Variants in ANKRD17 observed in about 807,000 individuals in gnomAD.
ANKRD17 encodes the protein ankyrin repeat domain 17, also known as ankyrin repeat domain-containing protein 17.
A neutral mutation model predicts 229.7 loss-of-function variants in ANKRD17; 19 were observed. The observed-to-expected ratio is 0.08, with a 90% CI of 0.06 to 0.12. The LOEUF (loss-of-function observed/expected upper bound fraction) is 0.12, where lower values mean the gene tolerates loss of function less well. ANKRD17 is among the 10% of genes least tolerant of loss of function. The pLI is 1.00. For synonymous variants in ANKRD17, 1,112 were observed against 1,146.1 expected (o/e 0.97, Z 0.60); for missense variants, 2,176 against 3,176.8 (o/e 0.68, Z 7.57).
Position 73,118,830 on chromosome 4 carries a change from C to G in ANKRD17, c.4046G>C (p.Arg1349Pro). 1 of 1,606,340 alleles carries G rather than the reference C, an allele frequency of 6.2e-7. No homozygotes were observed. Among genetic ancestry groups the G allele is most frequent in the Non-Finnish European group, 8.5e-7 (1 of 1,176,120 alleles). The change falls in exon 22 of 34, where the codon CGT (arginine) becomes CCT (proline). Residue 1349 changes from arginine to proline, a missense_variant. Physicochemically the swap from Arg to Pro is moderately radical, Grantham distance 103. Transcript: ENST00000358602. Reference protein sequence around the residue: ...LIGRGAHIDVRNKKGNTPLWL... With the variant: ...LIGRGAHIDVPNKKGNTPLWL... ...CAATGGAGTGTTCCCCTTCTTGTTA[C>G]GTACATCAATATGAGCTCCCCTAAA...
At chr4:73,171,216 A>AGAGAGAGAGG (rs1156636091) in intron 2 of ANKRD17, among the ~76,000 whole-genome samples, 1 of 150,512 alleles carries the variant, frequency 6.6e-6, no homozygotes, top group Non-Finnish European at 1.5e-5. Context: ...AGAGAGAGAG[A>AGAGAGAGAGG]GAGAGACTGA....
intron 24 of ANKRD17, among the ~76,000 whole-genome samples, chr4:73,105,806 T>G (rs572327999): frequency 6.6e-6 from 1 of 152,264 alleles, no homozygotes. Context: ...AAAAGTTCCA[T>G]TAGGATAGAG....
At chr4:73,239,438 G>T in intron 1 of ANKRD17, among the ~76,000 whole-genome samples, 1 of 152,246 alleles carries the variant, frequency 6.6e-6, no homozygotes, top group South Asian at 2.1e-4. Flanking sequence ...CCTGACAAGG[G>T]AATACTCACA....
intron 1 of ANKRD17, among the ~76,000 whole-genome samples, chr4:73,208,601 TAG>T (rs1560726334): frequency 1.3e-5 from 2 of 152,066 alleles, no homozygotes; most frequent in African/African-American, 2.4e-5. Context: ...CAGGAGAGAA[TAG>T]AGTGACTAAC....
chr4:73,179,360 T>TA (rs919014499), intron 1 of ANKRD17, among the ~76,000 whole-genome samples: 3 of 149,390 alleles, frequency 2.0e-5, no homozygotes, highest in African/African-American at 7.3e-5. Flanking sequence ...GGCAAGGAGA[T>TA]AAAAAATACA....
rs1469578725 is a variant in ANKRD17 at position 73,091,756 on chromosome 4, G to C, written c.5872C>G (p.Gln1958Glu). The C allele has an allele frequency of 6.2e-7, 1 of 1,614,052 alleles. No homozygotes were observed. The highest frequency in any genetic ancestry group is 1.3e-5 in the African/African-American group (1 of 74,912). The change falls in exon 29 of 34, where the codon CAG becomes GAG. Residue 1958 changes from glutamine (Q) to glutamate (E), a missense_variant. Physicochemically the swap from Gln to Glu is conservative, Grantham distance 29. Transcript: ENST00000358602. ...GTTAAAGAACCTGCTGAATTCACCTGAGAACCACTGCTATTCTGATTGCTA... is the reference window on the plus strand; with the variant it reads ...GTTAAAGAACCTGCTGAATTCACCTCAGAACCACTGCTATTCTGATTGCTA... ...RHSNQNSSGS[Q>E]VNSAGSLTSS...
At chr4:73,167,047 T>C (rs1175939001) in intron 2 of ANKRD17, among the ~76,000 whole-genome samples, 2 of 152,190 alleles carry the variant, frequency 1.3e-5, no homozygotes, top group Non-Finnish European at 2.9e-5. Flanking sequence ...AATTTACAGA[T>C]ACATACTAAA....
At position 73,102,525 on chromosome 4, in the gene ANKRD17, A is replaced by T; in HGVS notation, c.4424T>A (p.Leu1475Gln). Reference protein sequence around the residue: ...LEKLREESRRLALAAKREKRK... With the variant: ...LEKLREESRRQALAAKREKRK... ...TTTTTCTCTTTTCGCAGCCAAAGCCAGCCTCCGACTTTCTTCCCTTAACTG... is the reference window on the plus strand; with the variant it reads ...TTTTTCTCTTTTCGCAGCCAAAGCCTGCCTCCGACTTTCTTCCCTTAACTG... Residue 1475 changes from leucine (L) to glutamine (Q), a missense_variant, in exon 25 of 34, where the codon CTG becomes CAG. Physicochemically the swap from Leu to Gln is moderately radical, Grantham distance 113. Around this residue, in one of 18 missense-constraint regions of ANKRD17, gnomAD observed 14 missense variants for 36.1 expected, o/e 0.39. Transcript: ENST00000358602. The T allele has an allele frequency of 6.3e-7, 1 of 1,599,810 alleles. No homozygotes were observed. Among genetic ancestry groups the T allele is most frequent in the Non-Finnish European group, 8.5e-7 (1 of 1,177,274 alleles).
At position 73,210,567 on chromosome 4, in the gene ANKRD17, G is replaced by A. The variant is rs112856512; in HGVS notation, c.394-33034C>T. On this transcript the variant is annotated intron_variant, in intron 1 of 33. Coordinates refer to ENST00000358602, the MANE Select transcript of ANKRD17 (RefSeq NM_032217.5). The stretch of plus-strand genomic sequence containing the variant: ...CAAGTTTGGAACCTTTGCCCTAGAT[G>A]TTCTAAATTTTATTGTTGAAACAAA... 1.9e-3 allele frequency among the ~76,000 whole-genome samples: 287 copies of A among 152,214 alleles called. 1 individual carries two copies. Among genetic ancestry groups the A allele is most frequent in the African/African-American group, 6.6e-3 (275 of 41,566 alleles).
intron 24 of ANKRD17, among the ~76,000 whole-genome samples, chr4:73,110,489 C>T (rs1489313623): frequency 6.6e-6 from 1 of 152,038 alleles, no homozygotes; most frequent in Non-Finnish European, 1.5e-5. Context: ...TTTTTATAAA[C>T]CAAATTTTCC....
intron 25 of ANKRD17, chr4:73,100,708 G>A (rs1020595595): frequency 5.4e-6 from 2 of 367,718 alleles, no homozygotes; most frequent in Non-Finnish European, 7.5e-6. Flanking sequence ...CACAACCCAT[G>A]TGTGCCAAAA....
intron 1 of ANKRD17, among the ~76,000 whole-genome samples, chr4:73,255,277 C>T (rs886920820): frequency 6.6e-6 from 1 of 152,066 alleles, no homozygotes; most frequent in East Asian, 1.9e-4. Context: ...TCCATTTTTC[C>T]TCTTTTGGCA....
intron 1 of ANKRD17, among the ~76,000 whole-genome samples, chr4:73,255,734 T>C (rs1487759124): frequency 1.3e-5 from 2 of 152,170 alleles, no homozygotes; most frequent in African/African-American, 2.4e-5. Flanking sequence ...TACACTTTTT[T>C]TTTTTTGAGA....
chr4:73,252,507 T>TG (rs1249015326), intron 1 of ANKRD17, among the ~76,000 whole-genome samples: 1 of 151,828 alleles, frequency 6.6e-6, no homozygotes, highest in African/African-American at 2.4e-5. Context: ...AGGGAGAGGG[T>TG]GGGGGTCACA....
At chr4:73,207,078 C>A (rs534444506) in intron 1 of ANKRD17, among the ~76,000 whole-genome samples, 5 of 152,264 alleles carry the variant, frequency 3.3e-5, no homozygotes, top group African/African-American at 1.2e-4. Context: ...CCCACCTCAG[C>A]CTCCCAAAGT....
chr4:73,171,039 G>C (rs1733922762), intron 2 of ANKRD17, among the ~76,000 whole-genome samples: 1 of 152,086 alleles, frequency 6.6e-6, no homozygotes. Flanking sequence ...ATAGGTGGTA[G>C]CCAGGTAGCA....
At chr4:73,147,750 T>G (rs1405094156) in intron 8 of ANKRD17, among the ~76,000 whole-genome samples, 1 of 152,074 alleles carries the variant, frequency 6.6e-6, no homozygotes, top group African/African-American at 2.4e-5. Flanking sequence ...ATAAAGATAC[T>G]GGTGATAATG....
chr4:73,225,267 G>A (rs1742347628), intron 1 of ANKRD17, among the ~76,000 whole-genome samples: 1 of 152,110 alleles, frequency 6.6e-6, no homozygotes, highest in Non-Finnish European at 1.5e-5. Context: ...AGCAATGATA[G>A]GTTTGAGTTC....
chr4:73,217,556 C>A (rs1741243045), intron 1 of ANKRD17, among the ~76,000 whole-genome samples: 1 of 151,866 alleles, frequency 6.6e-6, no homozygotes, highest in South Asian at 2.1e-4. Context: ...GACATAGGGT[C>A]TCACTATGTT....
Sources: allele counts gnomAD v4.1 joint callset (sites outside exome capture counted in the v4.1 genomes callset), GRCh38; gene constraint gnomAD v4.1.1; regional missense constraint gnomAD v4.1.1; transcripts MANE v1.5; gene names NCBI Gene and HGNC (gene_info 2026-07-23, HGNC 2026-07-21).